URB2: variants seen among roughly 807,000 people sequenced by gnomAD.
URB2 encodes the protein unhealthy ribosome biogenesis protein 2 homolog.
A neutral mutation model predicts 120.9 loss-of-function variants in URB2; 86 were observed. The observed-to-expected ratio is 0.71, with a 90% CI of 0.60 to 0.85. The LOEUF is 0.85. Ranked by LOEUF, URB2 falls within the 40% of genes least tolerant of loss-of-function variation. URB2 has a pLI of 0.00. For synonymous variants in URB2, 755 were observed against 758.4 expected (o/e 1.00, Z 0.07); for missense variants, 1,765 against 1,836.5 (o/e 0.96, Z 0.71).
chr1:229,629,791 A>G (rs1481866360), intron 2 of URB2, among the ~76,000 whole-genome samples: 3 of 152,206 alleles, frequency 2.0e-5, no homozygotes, highest in African/African-American at 4.8e-5. Flanking sequence ...CATTTTACCC[A>G]CAGTAGAACT....
chr1:229,654,206 T>G (rs1666348321), intron 8 of URB2, 43 bp from the exon 9 acceptor site: 2 of 1,603,484 alleles, frequency 1.2e-6, no homozygotes, highest in Non-Finnish European at 1.7e-6. Context: ...TAAAATGTGC[T>G]GTTTTTGAAC....
At chr1:229,644,314 T>G (rs542180233) in intron 5 of URB2, among the ~76,000 whole-genome samples, 1 of 152,244 alleles carries the variant, frequency 6.6e-6, no homozygotes, top group Non-Finnish European at 1.5e-5. Context: ...GGTCTAGGCA[T>G]ATTCTGCCTC....
chr1:229,651,284 T>C lies in URB2; in HGVS notation c.4199T>C (p.Val1400Ala). The C allele has an allele frequency of 6.2e-7, 1 of 1,612,736 alleles. No individual in the cohort carries two copies. Among genetic ancestry groups the C allele is most frequent in the Non-Finnish European group, 8.5e-7 (1 of 1,179,418 alleles). The stretch of plus-strand genomic sequence containing the variant: ...TTCTTGAACTCTTTCAATAGATTGG[T>C]GTTTTCAGTTATGCGGGAAGGGCGG... ...PSFLNSFNRLVFSVMREGRQK... is the reference protein window; with the variant it reads ...PSFLNSFNRLAFSVMREGRQK... The change falls in exon 8 of 10, where the codon GTG (valine) becomes GCG (alanine). Residue 1400 changes from valine (V) to alanine (A), a missense_variant. Coordinates refer to ENST00000258243, the MANE Select transcript of URB2 (RefSeq NM_014777.4).
Position 229,654,293 on chromosome 1 carries a change from G to A in URB2, c.4282G>A (p.Val1428Ile). Reference sequence around the variant, plus strand: ...TACGGTCCTAAAGTGTGCACGCCTGGTTGAAAGAATGTACAGCCACATCGC... The same window carrying A: ...TACGGTCCTAAAGTGTGCACGCCTGATTGAAAGAATGTACAGCCACATCGC... The part of the protein sequence containing the change: ...LPTVLKCARL[V>I]ERMYSHIAAR... Residue 1428 changes from valine to isoleucine, a missense_variant, in exon 9 of 10, where the codon GTT becomes ATT. Val to Ile is a conservative substitution (Grantham distance 29, BLOSUM62 3). Coordinates refer to ENST00000258243, the MANE Select transcript of URB2 (RefSeq NM_014777.4). 6.2e-7 allele frequency: 1 copy of A among 1,614,174 alleles called. No homozygotes were observed. Among genetic ancestry groups the A allele is most frequent in the Non-Finnish European group, 8.5e-7 (1 of 1,180,038 alleles).
At chr1:229,641,122 C>A (rs974921711) in intron 4 of URB2, among the ~76,000 whole-genome samples, 1 of 151,462 alleles carries the variant, frequency 6.6e-6, no homozygotes, top group African/African-American at 2.4e-5. Context: ...GAGCGATTCC[C>A]ATGCCTCGGC....
chr1:229,646,299 A>T (rs1666145629), intron 6 of URB2, among the ~76,000 whole-genome samples: 1 of 152,086 alleles, frequency 6.6e-6, no homozygotes, highest in Non-Finnish European at 1.5e-5. Flanking sequence ...ATGTTTTATT[A>T]TTTTTTTAGA....
rs1189109688 is a variant in URB2 at position 229,636,546 on chromosome 1, C to G, written c.1933C>G (p.Pro645Ala). Residue 645 changes from proline (P) to alanine (A), a missense_variant, in exon 4 of 10, where the codon CCT becomes GCT. By Grantham distance (27) the Pro-to-Ala change is conservative. Transcript: ENST00000258243. ...TGTTGCTCTGGAGATCTCGAACCTCCCTTCGTTGCTCCCAGGTGTAAAAAC... is the reference window on the plus strand; with the variant it reads ...TGTTGCTCTGGAGATCTCGAACCTCGCTTCGTTGCTCCCAGGTGTAAAAAC... ...IGVALEISNL[P>A]SLLPGVKTQH... The G allele has an allele frequency of 2.5e-6, 4 of 1,614,178 alleles. No individual in the cohort carries two copies. Among genetic ancestry groups the G allele is most frequent in the South Asian group, 2.2e-5 (2 of 91,082 alleles).
rs777153451 is a variant in URB2 at position 229,636,480 on chromosome 1, A to C, written c.1867A>C (p.Asn623His). 1.2e-6 allele frequency: 2 copies of C among 1,614,160 alleles called. No individual in the cohort carries two copies. Among genetic ancestry groups the C allele is most frequent in the Non-Finnish European group, 1.7e-6 (2 of 1,180,026 alleles). Residue 623 changes from asparagine (N) to histidine (H), a missense_variant, in exon 4 of 10, where the codon AAC (asparagine) becomes CAC (histidine). Asn to His is a moderately conservative substitution (Grantham distance 68). Coordinates refer to ENST00000258243, the MANE Select transcript of URB2 (RefSeq NM_014777.4). ...CCAGGTGGACGCTATGTTCAGTTTG[A>C]ACTGTAGCCAGTATCACTCTATGTC... ...WAQVDAMFSL[N>H]CSQYHSMSGP... is the part of the protein sequence containing the mutation.
Position 229,636,744 on chromosome 1 carries a change from G to T in URB2, c.2131G>T (p.Gly711Cys). 2 of 1,611,968 alleles carry T rather than the reference G, an allele frequency of 1.2e-6. No homozygotes were observed. The highest frequency in any genetic ancestry group is 8.5e-7 in the Non-Finnish European group (1 of 1,178,900). ...CGATGCTGCCTTTATTATTGGTTCC[G>T]GCAGAAAAAGCTTGAATCAGAGAAC... ...RCDAAFIIGS[G>C]RKSLNQRTTA... Residue 711 changes from glycine (G) to cysteine (C), a missense_variant, in exon 4 of 10, where the codon GGC (glycine) becomes TGC (cysteine). Transcript: ENST00000258243.
rs372465680 is a variant in URB2, at chr1:229,637,759, A to G, written c.3146A>G (p.Asn1049Ser). 1 of 1,613,976 alleles carries G rather than the reference A, an allele frequency of 6.2e-7. No individual in the cohort carries two copies. Among genetic ancestry groups the G allele is most frequent in the African/African-American group, 1.3e-5 (1 of 75,002 alleles). The change falls in exon 4 of 10, where the codon AAC becomes AGC. Residue 1049 changes from asparagine to serine, a missense_variant. Coordinates refer to ENST00000258243, the MANE Select transcript of URB2 (RefSeq NM_014777.4). ...AASSKQLENQ[N>S]PQGRQLLLVS... ...TCAAGCAAACAATTAGAAAATCAGAACCCCCAGGGCAGGCAGCTCCTTCTG... is the reference window on the plus strand; with the variant it reads ...TCAAGCAAACAATTAGAAAATCAGAGCCCCCAGGGCAGGCAGCTCCTTCTG...
intron 3 of URB2, among the ~76,000 whole-genome samples, chr1:229,632,811 GTTT>G (rs5781547): frequency 1.9e-4 from 19 of 101,808 alleles, no homozygotes; most frequent in Admixed American, 4.0e-4. Context: ...TTCCTCAAAG[GTTT>G]TTTTTTTTTT....
At chr1:229,642,074 G>T (rs1666026651) in intron 4 of URB2, among the ~76,000 whole-genome samples, 1 of 152,172 alleles carries the variant, frequency 6.6e-6, no homozygotes, top group Admixed American at 6.5e-5. Flanking sequence ...CTCTGGAGAT[G>T]AGTGAGGTGT....
At position 229,636,867 on chromosome 1, in the gene URB2, T is replaced by A. The variant is rs779497345; in HGVS notation, c.2254T>A (p.Ser752Thr). The A allele has an allele frequency of 2.6e-5, 42 of 1,611,336 alleles. No individual in the cohort carries two copies. The highest frequency in any genetic ancestry group is 3.6e-5 in the Non-Finnish European group (42 of 1,178,074). Reference sequence around the variant, plus strand: ...TGTGTCAAATCTCACAATTTTAATATCCTATCTGTGTCCAGATGATGTGGG... The same window carrying A: ...TGTGTCAAATCTCACAATTTTAATAACCTATCTGTGTCCAGATGATGTGGG... ...LIVSNLTILI[S>T]YLCPDDVGYL... The change falls in exon 4 of 10, where the codon TCC (serine) becomes ACC (threonine). Residue 752 changes from serine to threonine, a missense_variant. Transcript: ENST00000258243.
chr1:229,630,716 A>C (rs1665635959), intron 2 of URB2, among the ~76,000 whole-genome samples: 1 of 152,164 alleles, frequency 6.6e-6, no homozygotes, highest in Admixed American at 6.5e-5. Context: ...AGCTGGGCAC[A>C]GTGGCTCACG....
intron 6 of URB2, among the ~76,000 whole-genome samples, chr1:229,646,574 A>ATG (rs755578699): frequency 6.6e-6 from 1 of 152,128 alleles, no homozygotes; most frequent in Non-Finnish European, 1.5e-5. Context: ...TAGGAGTTGT[A>ATG]TGTGTGTGTG....
At position 229,626,257 on chromosome 1, in the gene URB2, C is replaced by T. The variant is rs904243900; in HGVS notation, c.-113C>T. 1 of 153,052 alleles carries T rather than the reference C, an allele frequency of 6.5e-6. No individual in the cohort carries two copies. Among genetic ancestry groups the T allele is most frequent in the Non-Finnish European group, 1.5e-5 (1 of 68,752 alleles). 9.5% of individuals were successfully genotyped at this position (153,052 alleles called of 1,614,324 possible). Reference sequence around the variant, plus strand: ...GGGGACGCGGGACCCGTACAGCGGCCTCCGCCGCACCGGGACAGCAGCCGC... The same window carrying T: ...GGGGACGCGGGACCCGTACAGCGGCTTCCGCCGCACCGGGACAGCAGCCGC... On this transcript the variant is annotated 5_prime_UTR_variant, in exon 1 of 10. Transcript: ENST00000258243.
Position 229,636,223 on chromosome 1 carries a change from T to G in URB2, c.1610T>G (p.Leu537Arg), listed in dbSNP as rs561094179. ...PYLQSDADMA[L>R]KSLSLSLLLH... Reference sequence around the variant, plus strand: ...TTGCAGAGTGATGCCGACATGGCCCTGAAATCACTGTCACTGAGCTTGCTG... The same window carrying G: ...TTGCAGAGTGATGCCGACATGGCCCGGAAATCACTGTCACTGAGCTTGCTG... The change falls in exon 4 of 10, where the codon CTG (leucine) becomes CGG (arginine). Residue 537 changes from leucine to arginine, a missense_variant. Leu to Arg is a moderately radical substitution (Grantham distance 102). Transcript: ENST00000258243. 6.2e-7 allele frequency: 1 copy of G among 1,613,062 alleles called. No homozygotes were observed. Among genetic ancestry groups the G allele is most frequent in the Admixed American group, 1.7e-5 (1 of 60,006 alleles).
intron 3 of URB2, among the ~76,000 whole-genome samples, chr1:229,634,080 G>T (rs527952742): frequency 3.3e-4 from 50 of 151,738 alleles, no homozygotes; most frequent in Non-Finnish European, 6.2e-4. Flanking sequence ...GATCCGCCCC[G>T]ACTCAGCCTC....
rs776534161 is a variant in URB2, at chr1:229,659,318, G to A, written c.*21G>A. 1.4e-5 allele frequency: 22 copies of A among 1,611,594 alleles called. No homozygotes were observed. Among genetic ancestry groups the A allele is most frequent in the South Asian group, 6.6e-5 (6 of 90,948 alleles). On this transcript the variant is annotated 3_prime_UTR_variant, in exon 10 of 10. Transcript: ENST00000258243. ...CCTAAGGCTATGGGACAGAAGTGCC[G>A]CCAGTGACACTGTCCAGAGGCTTTG...
Sources: gnomAD v4.1 joint callset for allele counts (sites outside exome capture counted in the v4.1 genomes callset) on GRCh38, gnomAD v4.1.1 for gene constraint, MANE v1.5 for transcripts, NCBI Gene and HGNC (gene_info 2026-07-23, HGNC 2026-07-21) for gene names.